Variants in NFXL1 observed in about 807,000 individuals in gnomAD.
The protein encoded by NFXL1 is nuclear transcription factor, X-box binding like 1.
A neutral mutation model predicts 123.3 loss-of-function variants in NFXL1; 66 were observed. That is an observed-to-expected ratio of 0.54 (90% CI 0.44 to 0.66). The LOEUF is 0.66. Ranked by LOEUF, NFXL1 falls within the 30% of genes least tolerant of loss-of-function variation. The pLI is 0.00. For synonymous variants in NFXL1, 346 were observed against 360.8 expected (o/e 0.96, Z 0.46); for missense variants, 944 against 1,125.6 (o/e 0.84, Z 2.31).
In NFXL1 at chr4:47,864,434, T is replaced by A. The variant is rs191685060; in HGVS notation, c.2247-1519A>T. Among the ~76,000 whole-genome samples the A allele has an allele frequency of 2.1e-3, 323 of 152,258 alleles. 3 individuals are homozygous for A. The highest frequency in any genetic ancestry group is 4.1e-4 in the Non-Finnish European group (28 of 68,028). ...TCTTGAGCAGGCCGTAAAGAAATTC[T>A]CTGACCTACCTTGTCTGATTGTAGG... On this transcript the variant is annotated intron_variant, in intron 18 of 22. Transcript: ENST00000507489.
intron 4 of NFXL1, among the ~76,000 whole-genome samples, chr4:47,903,844 A>G (rs1737450866): frequency 6.6e-6 from 1 of 152,198 alleles, no homozygotes; most frequent in African/African-American, 2.4e-5. Context: ...CACCTAACTA[A>G]TGCTAAATTC....
At chr4:47,878,840 T>C (rs1000071439) in intron 16 of NFXL1, 175 bp from the exon 17 acceptor site, 9 of 525,814 alleles carry the variant, frequency 1.7e-5, no homozygotes, top group African/African-American at 1.4e-4. Flanking sequence ...TTCAAAGTAA[T>C]GAATGCCAAG....
chr4:47,848,420 T>C, intron 22 of NFXL1, 84 bp from the exon 23 acceptor site: 1 of 1,020,300 alleles, frequency 9.8e-7, no homozygotes, highest in East Asian at 2.5e-5. Context: ...TCAATTTGGG[T>C]AATGTTTTAA....
At chr4:47,877,242 GA>G in intron 17 of NFXL1, 2 of 427,480 alleles carry the variant, frequency 4.7e-6, no homozygotes, top group Non-Finnish European at 9.4e-6. Flanking sequence ...AGCTATGGCA[GA>G]AACAAAAAAA....
chr4:47,901,512 AATTCCGTAC>A (rs1446013526), intron 5 of NFXL1, among the ~76,000 whole-genome samples: 1 of 152,174 alleles, frequency 6.6e-6, no homozygotes, highest in African/African-American at 2.4e-5. Context: ...AACCTGGCTT[AATTCCGTAC>A]CTATTAGACA....
intron 20 of NFXL1, chr4:47,852,239 TG>T (rs1270768485): frequency 3.4e-6 from 1 of 291,096 alleles, no homozygotes; most frequent in African/African-American, 2.3e-5. Context: ...TTTTCTTTAT[TG>T]TTTGTTATTC....
intron 15 of NFXL1, chr4:47,882,397 A>G (rs538082739): frequency 7.2e-5 from 11 of 152,324 alleles, no homozygotes; most frequent in Non-Finnish European, 1.6e-4. Context: ...CTCCCTTTGG[A>G]AACTTTCATG....
intron 18 of NFXL1, among the ~76,000 whole-genome samples, chr4:47,870,862 G>C (rs1418071513): frequency 6.6e-6 from 1 of 152,070 alleles, no homozygotes; most frequent in African/African-American, 2.4e-5. Context: ...AACAAAGATG[G>C]AAACACATCA....
chr4:47,854,940 CAAAAA>C, intron 20 of NFXL1, 114 bp downstream of exon 20: 31 of 196,728 alleles, frequency 1.6e-4, no homozygotes, highest in South Asian at 3.8e-4. Context: ...AATTAAAAGG[CAAAAA>C]AAAAAAAAAA....
intron 19 of NFXL1, among the ~76,000 whole-genome samples, chr4:47,860,396 T>G (rs936394576): frequency 3.9e-5 from 6 of 152,260 alleles, no homozygotes; most frequent in Admixed American, 3.3e-4. Flanking sequence ...AACGACATCC[T>G]TATGTTTTCA....
At chr4:47,859,858 AAAAAAAAAAAAACAAACAAAC>A (rs1734639743) in intron 19 of NFXL1, among the ~76,000 whole-genome samples, 1 of 145,400 alleles carries the variant, frequency 6.9e-6, no homozygotes, top group African/African-American at 2.5e-5. Context: ...AAAAAAAAAA[AAAAAAAAAAAAACAAACAAAC>A]AAAAAAAGTA....
intron 22 of NFXL1, 147 bp downstream of exon 22, chr4:47,850,948 G>A: frequency 1.7e-6 from 1 of 596,204 alleles, no homozygotes; most frequent in Non-Finnish European, 3.0e-6. Context: ...CAAGTTAGTA[G>A]ATGGCTCATT....
At chr4:47,864,164 A>G (rs1734922392) in intron 18 of NFXL1, among the ~76,000 whole-genome samples, 2 of 152,002 alleles carry the variant, frequency 1.3e-5, no homozygotes, top group Non-Finnish European at 2.9e-5. Context: ...CTGAACTTAA[A>G]GAGTTAATAT....
intron 22 of NFXL1, among the ~76,000 whole-genome samples, chr4:47,849,219 C>T (rs1030405320): frequency 6.6e-6 from 1 of 152,224 alleles, no homozygotes; most frequent in East Asian, 1.9e-4. Flanking sequence ...GGAAAAAATT[C>T]TTCATGCTTT....
At chr4:47,881,609 T>C (rs1410870613) in intron 15 of NFXL1, among the ~76,000 whole-genome samples, 1 of 152,196 alleles carries the variant, frequency 6.6e-6, no homozygotes, top group African/African-American at 2.4e-5. Flanking sequence ...TTATTCTTAA[T>C]TGCCAAACTT....
intron 5 of NFXL1, among the ~76,000 whole-genome samples, chr4:47,899,906 C>A (rs573546060): frequency 2.0e-5 from 3 of 152,098 alleles, no homozygotes; most frequent in Non-Finnish European, 4.4e-5. Context: ...GGCTAGTTAC[C>A]ATGAATTAAA....
rs929306254 is a variant in NFXL1 at position 47,907,818 on chromosome 4, A to T, written c.407-2472T>A. Among the ~76,000 whole-genome samples the T allele has an allele frequency of 6.6e-5, 10 of 152,350 alleles. No individual in the cohort carries two copies. In the East Asian group the frequency reaches 1.7e-3, roughly 26 times the overall value. Reference sequence around the variant, plus strand: ...TTCTATTTTAAAATAAAATGACTCTATCTAGAATGGTTTAAGTGAGTTCCT... The same window carrying T: ...TTCTATTTTAAAATAAAATGACTCTTTCTAGAATGGTTTAAGTGAGTTCCT... On this transcript the variant is annotated intron_variant, in intron 3 of 22. Transcript: ENST00000507489.
rs1198920775 is a variant in NFXL1, at chr4:47,903,174, A to G, written c.647+19T>C. The G allele has an allele frequency of 1.3e-6, 2 of 1,541,748 alleles. No homozygotes were observed. Among genetic ancestry groups the G allele is most frequent in the East Asian group, 4.7e-5 (2 of 42,308 alleles). On this transcript the variant is annotated intron_variant, in intron 5 of 22. Coordinates refer to ENST00000507489, the MANE Select transcript of NFXL1 (RefSeq NM_001278624.2). ...ATCTGAAAATAATAATAATAATCCA[A>G]CTAATTAGAAAAAGTTACCAAGGCC...
intron 15 of NFXL1, among the ~76,000 whole-genome samples, chr4:47,881,554 T>C (rs142531168): frequency 9.2e-5 from 14 of 152,322 alleles, no homozygotes; most frequent in African/African-American, 3.4e-4. Flanking sequence ...TGAAAACTTA[T>C]GTCTACACAA....
Sources: allele counts gnomAD v4.1 joint callset (sites outside exome capture counted in the v4.1 genomes callset), GRCh38; gene constraint gnomAD v4.1.1; transcripts MANE v1.5; gene names NCBI Gene and HGNC (gene_info 2026-07-23, HGNC 2026-07-21).